The following CARMIL1 variants were observed in gnomAD, a reference collection of about 807,000 sequenced individuals.
The protein encoded by CARMIL1 is F-actin-uncapping protein LRRC16A.
A neutral mutation model predicts 177.1 loss-of-function variants in CARMIL1; 90 were observed. That is an observed-to-expected ratio of 0.51 (90% confidence interval 0.43 to 0.61). The LOEUF (loss-of-function observed/expected upper bound fraction) is 0.61. Among genes scored for constraint, CARMIL1 ranks in the 20% least tolerant of loss-of-function variants. The pLI, the probability that CARMIL1 is intolerant of heterozygous loss-of-function variation, is 0.00. For synonymous variants in CARMIL1, 577 were observed against 606.2 expected, an observed-to-expected ratio of 0.95 and a Z score of 0.71; for missense variants, 1,380 against 1,667.0, an observed-to-expected ratio of 0.83 and a Z score of 3.00.
At chr6:25,465,803 G>T in intron 8 of CARMIL1, 70 bp from the exon 9 acceptor site, 1 of 886,858 alleles carries the variant, frequency 1.1e-6, no homozygotes, top group Non-Finnish European at 1.9e-6. Context: ...GGATGTCATG[G>T]ATTAAAAATT....
chr6:25,490,750 TA>T (rs377733924), intron 13 of CARMIL1, among the ~76,000 whole-genome samples: 992 of 50,892 alleles, frequency 0.019, 15 homozygotes, highest in African/African-American at 0.051. Flanking sequence ...AATAAATAAA[TA>T]AAAAAAAATA....
chr6:25,389,705 G>C (rs1341637473), intron 2 of CARMIL1, among the ~76,000 whole-genome samples: 1 of 152,190 alleles, frequency 6.6e-6, no homozygotes, highest in African/African-American at 2.4e-5. Context: ...CAATTAAGCA[G>C]GGTAAGGCAA....
intron 2 of CARMIL1, among the ~76,000 whole-genome samples, chr6:25,391,999 A>G (rs948240165): frequency 1.3e-5 from 2 of 152,078 alleles, no homozygotes; most frequent in Admixed American, 1.3e-4. Context: ...TTTTACAAAT[A>G]TCTGCAATTC....
intron 12 of CARMIL1, among the ~76,000 whole-genome samples, chr6:25,487,297 T>C (rs16890653): frequency 0.16 from 24,000 of 152,168 alleles, 2,056 homozygotes; most frequent in East Asian, 0.28. Flanking sequence ...CCTGCTGCTA[T>C]GACCAGAACT....
chr6:25,429,222 C>T (rs1796525138), intron 4 of CARMIL1, among the ~76,000 whole-genome samples: 1 of 152,196 alleles, frequency 6.6e-6, no homozygotes, highest in African/African-American at 2.4e-5. Flanking sequence ...ACCATGAAAA[C>T]AGTAGATTTC....
chr6:25,339,705 C>G (rs1377143945), intron 2 of CARMIL1, among the ~76,000 whole-genome samples: 1 of 152,074 alleles, frequency 6.6e-6, no homozygotes, highest in African/African-American at 2.4e-5. Flanking sequence ...CAGTGGGTGT[C>G]CAGATGCAGG....
chr6:25,449,788 T>C, intron 5 of CARMIL1, 110 bp from the exon 6 acceptor site: 1 of 595,102 alleles, frequency 1.7e-6, no homozygotes, highest in African/African-American at 1.9e-5. Flanking sequence ...AAAACTGAAA[T>C]TGAAGTGACC....
intron 2 of CARMIL1, among the ~76,000 whole-genome samples, chr6:25,387,096 A>G (rs1213430014): frequency 7.2e-6 from 1 of 138,214 alleles, no homozygotes; most frequent in Non-Finnish European, 1.5e-5. Context: ...CCTGGGTGAC[A>G]GAGTGAGACT....
chr6:25,328,572 T>C (rs982088034), intron 2 of CARMIL1, among the ~76,000 whole-genome samples: 1 of 152,216 alleles, frequency 6.6e-6, no homozygotes, highest in African/African-American at 2.4e-5. Flanking sequence ...ATAGAAGTTA[T>C]ATTTCTCTGA....
chr6:25,477,059 A>T (rs1387980040), intron 11 of CARMIL1, among the ~76,000 whole-genome samples: 22 of 150,564 alleles, frequency 1.5e-4, no homozygotes, highest in Non-Finnish European at 2.7e-4. Context: ...ACTGCACTCC[A>T]GCCTGGCGAC....
At chr6:25,592,550 G>T (rs1814424650) in intron 31 of CARMIL1, among the ~76,000 whole-genome samples, 1 of 152,156 alleles carries the variant, frequency 6.6e-6, no homozygotes, top group East Asian at 1.9e-4. Context: ...AGGTGTAATT[G>T]TTATTTCATA....
intron 2 of CARMIL1, among the ~76,000 whole-genome samples, chr6:25,285,712 A>T (rs990334393): frequency 6.6e-6 from 1 of 152,176 alleles, no homozygotes; most frequent in Non-Finnish European, 1.5e-5. Flanking sequence ...TAGTATATCG[A>T]ACTCTGTGTA....
At chr6:25,609,948 AT>A in intron 35 of CARMIL1, 101 bp from the exon 36 acceptor site, 2 of 1,336,594 alleles carry the variant, frequency 1.5e-6, no homozygotes, top group Non-Finnish European at 2.0e-6. Context: ...ATGATGCTTT[AT>A]TTTTTTAAAT....
At chr6:25,446,269 ATCT>A (rs1266541430) in intron 5 of CARMIL1, among the ~76,000 whole-genome samples, 1 of 152,238 alleles carries the variant, frequency 6.6e-6, no homozygotes, top group African/African-American at 2.4e-5. Context: ...GCTAGATGAC[ATCT>A]TCTTCCAGTA....
chr6:25,493,448 A>G (rs982863818), intron 15 of CARMIL1, among the ~76,000 whole-genome samples: 1 of 152,246 alleles, frequency 6.6e-6, no homozygotes, highest in African/African-American at 2.4e-5. Context: ...ATTGTTCCAC[A>G]GTAACAGTGA....
At chr6:25,478,966 C>T in intron 11 of CARMIL1, 6 of 385,890 alleles carry the variant, frequency 1.6e-5, no homozygotes, top group Non-Finnish European at 2.0e-5. Flanking sequence ...TTTTCACTTA[C>T]TTTCCTTAGT....
intron 26 of CARMIL1, among the ~76,000 whole-genome samples, chr6:25,550,115 C>T (rs1809933382): frequency 6.6e-6 from 1 of 152,172 alleles, no homozygotes; most frequent in Admixed American, 6.5e-5. Context: ...CCGTATCACC[C>T]ATCTCAGACA....
At chr6:25,290,724 T>C (rs1781886317) in intron 2 of CARMIL1, among the ~76,000 whole-genome samples, 1 of 152,204 alleles carries the variant, frequency 6.6e-6, no homozygotes, top group Non-Finnish European at 1.5e-5. Flanking sequence ...TGTTTACCTA[T>C]TCTCTTTAAA....
At chr6:25,472,322 A>G in intron 10 of CARMIL1, 105 bp from the exon 11 acceptor site, 3 of 736,478 alleles carry the variant, frequency 4.1e-6, no homozygotes, top group Non-Finnish European at 7.0e-6. Context: ...TAATATTGTA[A>G]GGGAGGTTTC....
Sources: gnomAD v4.1 joint callset for allele counts (sites outside exome capture counted in the v4.1 genomes callset) on GRCh38, gnomAD v4.1.1 for gene constraint, MANE v1.5 for transcripts, NCBI Gene and HGNC (gene_info 2026-07-23, HGNC 2026-07-21) for gene names.